Variants in OXR1 observed in about 807,000 individuals in gnomAD.
OXR1 encodes the protein oxidation resistance 1.
In OXR1, 41 loss-of-function variants were observed where a neutral mutation model predicts 104.6. The ratio of observed to expected loss-of-function variants is 0.39; its 90% CI spans 0.31 to 0.51. The LOEUF (loss-of-function observed/expected upper bound fraction) is 0.51. Among genes scored for constraint, OXR1 ranks in the 20% least tolerant of loss-of-function variants. OXR1 has a pLI of 0.77. For synonymous variants in OXR1, 348 were observed against 348.4 expected (o/e 1.00, Z 0.01); for missense variants, 955 against 1,031.9 (o/e 0.93, Z 1.02).
intron 2 of OXR1, among the ~76,000 whole-genome samples, chr8:106,466,401 A>G (rs548729856): frequency 5.3e-5 from 8 of 151,922 alleles, no homozygotes; most frequent in South Asian, 4.2e-4. Flanking sequence ...TTCAATGCCA[A>G]TTCTTTTATC....
intron 11 of OXR1, among the ~76,000 whole-genome samples, chr8:106,723,006 T>TA (rs1214085466): frequency 6.6e-6 from 1 of 152,172 alleles, no homozygotes; most frequent in East Asian, 1.9e-4. Context: ...CTTTCCCTGT[T>TA]AAAAATATTC....
intron 2 of OXR1, among the ~76,000 whole-genome samples, chr8:106,418,676 A>T (rs1036764791): frequency 6.6e-6 from 1 of 152,178 alleles, no homozygotes; most frequent in Non-Finnish European, 1.5e-5. Context: ...ATTCATGTTC[A>T]CAAGACAACT....
At chr8:106,648,606 G>A (rs536926066) in intron 3 of OXR1, among the ~76,000 whole-genome samples, 1 of 152,112 alleles carries the variant, frequency 6.6e-6, no homozygotes, top group African/African-American at 2.4e-5. Context: ...ATAGTGCTGC[G>A]GGGGCAGGGG....
intron 1 of OXR1, among the ~76,000 whole-genome samples, chr8:106,285,395 G>T (rs1287159298): frequency 6.6e-6 from 1 of 152,118 alleles, no homozygotes; most frequent in Non-Finnish European, 1.5e-5. Flanking sequence ...TACCAGTGGG[G>T]ATTAATTACT....
intron 2 of OXR1, among the ~76,000 whole-genome samples, chr8:106,426,474 G>A (rs1586631679): frequency 6.6e-6 from 1 of 152,240 alleles, no homozygotes. Flanking sequence ...ATAAGTGATG[G>A]AGAAAAGCTT....
At chr8:106,486,110 A>T (rs539385863) in intron 2 of OXR1, among the ~76,000 whole-genome samples, 15 of 152,246 alleles carry the variant, frequency 9.9e-5, no homozygotes, top group African/African-American at 2.9e-4. Context: ...AGTAGATTAT[A>T]TGTGTTCTAT....
intron 11 of OXR1, among the ~76,000 whole-genome samples, chr8:106,726,972 A>G (rs1205757518): frequency 6.6e-6 from 1 of 152,170 alleles, no homozygotes; most frequent in Non-Finnish European, 1.5e-5. Flanking sequence ...TTAATTGTAG[A>G]TGATTTAAAA....
At chr8:106,448,760 A>G (rs769484199) in intron 2 of OXR1, among the ~76,000 whole-genome samples, 80 of 152,286 alleles carry the variant, frequency 5.3e-4, no homozygotes, top group Non-Finnish European at 9.3e-4. Flanking sequence ...AAAATCAGTT[A>G]AAACAAAAGT....
chr8:106,416,650 A>G (rs1818690870), intron 2 of OXR1, among the ~76,000 whole-genome samples: 1 of 152,058 alleles, frequency 6.6e-6, no homozygotes, highest in South Asian at 2.1e-4. Flanking sequence ...TTCAATTTGT[A>G]TTATTGGTAT....
chr8:106,306,050 T>A (rs1813452667), intron 1 of OXR1, among the ~76,000 whole-genome samples: 1 of 152,000 alleles, frequency 6.6e-6, no homozygotes, highest in Non-Finnish European at 1.5e-5. Flanking sequence ...CAGAGCTCTT[T>A]TTTTTTTCAT....
At chr8:106,519,890 T>C (rs12677244) in intron 3 of OXR1, among the ~76,000 whole-genome samples, 57,096 of 152,062 alleles carry the variant, frequency 0.38, 12,895 homozygotes, top group Non-Finnish European at 0.49. Flanking sequence ...GCCCAGCATG[T>C]CTTTGGCCTT....
chr8:106,679,085 C>T, intron 3 of OXR1, 125 bp from the exon 4 acceptor site: 1 of 486,754 alleles, frequency 2.1e-6, no homozygotes, highest in Non-Finnish European at 3.7e-6. Context: ...TACAGCAGAG[C>T]ATCCCAGGGA....
chr8:106,657,706 T>C, intron 3 of OXR1: 1 of 437,010 alleles, frequency 2.3e-6, no homozygotes, highest in Non-Finnish European at 3.4e-6. Flanking sequence ...AATACACCTA[T>C]GTGACAAGCT....
At chr8:106,412,753 C>T (rs1473343505) in intron 2 of OXR1, among the ~76,000 whole-genome samples, 1 of 152,038 alleles carries the variant, frequency 6.6e-6, no homozygotes, top group Non-Finnish European at 1.5e-5. Flanking sequence ...TAACTTTTCT[C>T]TTCTGGTAGT....
intron 2 of OXR1, among the ~76,000 whole-genome samples, chr8:106,385,804 A>G (rs1264812108): frequency 6.6e-6 from 1 of 152,180 alleles, no homozygotes; most frequent in Admixed American, 6.5e-5. Context: ...TCTGTGAGGC[A>G]GTCACTGCAC....
intron 1 of OXR1, among the ~76,000 whole-genome samples, chr8:106,353,792 G>A (rs984789760): frequency 6.6e-6 from 1 of 151,982 alleles, no homozygotes; most frequent in Non-Finnish European, 1.5e-5. Flanking sequence ...GCAATACATC[G>A]TTATTAACTA....
At chr8:106,350,981 G>A (rs1301695092) in intron 1 of OXR1, among the ~76,000 whole-genome samples, 1 of 152,118 alleles carries the variant, frequency 6.6e-6, no homozygotes, top group Non-Finnish European at 1.5e-5. Context: ...AGTTTTCATA[G>A]TTATTCCATA....
chr8:106,555,408 G>T (rs1816191189), intron 3 of OXR1, among the ~76,000 whole-genome samples: 1 of 152,106 alleles, frequency 6.6e-6, no homozygotes. Context: ...CTCAAGATGA[G>T]TTTTATTATC....
At chr8:106,559,698 C>A (rs1030578480) in intron 3 of OXR1, among the ~76,000 whole-genome samples, 3 of 152,110 alleles carry the variant, frequency 2.0e-5, no homozygotes, top group African/African-American at 7.2e-5. Flanking sequence ...TGGTGTGGGT[C>A]CTTTTTGCTG....
Sources: gnomAD v4.1 joint callset for allele counts (sites outside exome capture counted in the v4.1 genomes callset) on GRCh38, gnomAD v4.1.1 for gene constraint, MANE v1.5 for transcripts, NCBI Gene and HGNC (gene_info 2026-07-23, HGNC 2026-07-21) for gene names.